The following FREM2 variants were observed in gnomAD, a reference collection of about 807,000 sequenced individuals.
The protein encoded by FREM2 is FRAS1-related extracellular matrix protein 2.
In FREM2, 119 loss-of-function variants were observed where a neutral mutation model predicts 219.9. The ratio of observed to expected loss-of-function variants is 0.54; its 90% CI spans 0.47 to 0.63. The LOEUF (loss-of-function observed/expected upper bound fraction) is 0.63, where lower values mean the gene tolerates loss of function less well. Among genes scored for constraint, FREM2 ranks in the 30% least tolerant of loss-of-function variants. The pLI, the probability that FREM2 is intolerant of heterozygous loss-of-function variation, is 0.00. For missense variants in FREM2, 4,030 were observed against 3,993.6 expected (o/e 1.01, Z -0.25); for synonymous variants, 1,562 against 1,522.8 (o/e 1.03, Z -0.60).
chr13:38,701,685 A>G (rs1012683852), intron 2 of FREM2, among the ~76,000 whole-genome samples: 3 of 152,034 alleles, frequency 2.0e-5, no homozygotes, highest in Non-Finnish European at 2.9e-5. Flanking sequence ...TAACTATTCC[A>G]GGCATGCCCC....
At chr13:38,725,348 C>G in intron 2 of FREM2, among the ~76,000 whole-genome samples, 1 of 151,424 alleles carries the variant, frequency 6.6e-6, no homozygotes, top group Non-Finnish European at 1.5e-5. Flanking sequence ...AGGTGGTTGT[C>G]AGCCATGATG....
chr13:38,826,939 G>C (rs1397031374), intron 6 of FREM2, among the ~76,000 whole-genome samples: 2 of 151,856 alleles, frequency 1.3e-5, no homozygotes, highest in African/African-American at 4.8e-5. Flanking sequence ...TCACAACTTA[G>C]GAATACTGAT....
chr13:38,874,447 A>G (rs775095128), intron 17 of FREM2, 35 bp from the exon 18 acceptor site: 1 of 1,528,410 alleles, frequency 6.5e-7, no homozygotes, highest in Non-Finnish European at 9.1e-7. Context: ...CTCTGGCTAC[A>G]TATATTTTCA....
At chr13:38,842,758 G>A (rs1286488228) in intron 6 of FREM2, among the ~76,000 whole-genome samples, 1 of 152,042 alleles carries the variant, frequency 6.6e-6, no homozygotes, top group Non-Finnish European at 1.5e-5. Context: ...CTAGACACTG[G>A]GAAAATTTTC....
chr13:38,709,686 A>T (rs1444841423), intron 2 of FREM2, among the ~76,000 whole-genome samples: 3 of 152,100 alleles, frequency 2.0e-5, no homozygotes, highest in African/African-American at 7.2e-5. Flanking sequence ...AAAATCTTTT[A>T]TTTTGACGTC....
intron 2 of FREM2, 75 bp downstream of exon 2, chr13:38,697,862 C>A (rs1870181488): frequency 3.6e-6 from 3 of 831,140 alleles, no homozygotes; most frequent in Non-Finnish European, 4.2e-6. Context: ...GACATTATTA[C>A]AAGAAGTCTT....
rs1406654763 is a variant in FREM2, at chr13:38,769,730, G to A, written c.5563G>A (p.Val1855Met). The part of the protein sequence containing the change: ...GEHEQSETFQ[V>M]VLSEPVLAAL... ...GCATGAGCAGTCTGAAACCTTTCAG[G>A]TGGTACTCTCAGAGCCCGTGCTGGC... is the stretch of plus-strand genomic sequence containing the variant. The change falls in exon 4 of 24, where the codon GTG (valine) becomes ATG (methionine). Residue 1855 changes from valine (V) to methionine (M), a missense_variant. Around this residue, in one of 2 missense-constraint regions of FREM2, gnomAD observed 3,102 missense variants for 2,950.7 expected, o/e 1.05. Coordinates refer to ENST00000280481, the MANE Select transcript of FREM2 (RefSeq NM_207361.6). 4 of 1,614,024 alleles carry A rather than the reference G, an allele frequency of 2.5e-6. No individual in the cohort carries two copies. Among genetic ancestry groups the A allele is most frequent in the Non-Finnish European group, 3.4e-6 (4 of 1,180,008 alleles).
intron 2 of FREM2, among the ~76,000 whole-genome samples, chr13:38,743,258 C>T (rs1464156716): frequency 6.6e-6 from 1 of 151,948 alleles, no homozygotes; most frequent in East Asian, 1.9e-4. Flanking sequence ...CTGTATAGTA[C>T]ATTCCTTACC....
rs755689589 is a variant in FREM2 at position 38,850,963 on chromosome 13, C to T, written c.6597C>T (p.Cys2199=). The T allele has an allele frequency of 1.2e-6, 2 of 1,612,786 alleles. No individual in the cohort carries two copies. The highest frequency in any genetic ancestry group is 1.7e-5 in the Admixed American group (1 of 60,012). The change falls in exon 10 of 24, where the codon TGC becomes TGT. Residue 2199 remains cysteine, a synonymous_variant. Coordinates refer to ENST00000280481, the MANE Select transcript of FREM2 (RefSeq NM_207361.6). ...TTCCAGGTGAGACAGAAAAGCCCTG[C>T]ATTCTTGAGCTGATGGACGATGTGC... ...TFLPGETEKP[C]ILELMDDVLY... is the part of the protein sequence containing the mutation.
Position 38,691,883 on chromosome 13 carries a change from T to C in FREM2, c.4539T>C (p.Asp1513=), listed in dbSNP as rs776853675. ...ACAGTTTTGAGTTTCAAGTCACCGA[T>C]GGACGTAACCCTGTCTTTCGGACAT... The part of the protein sequence containing the change: ...KMDSFEFQVT[D]GRNPVFRTFR... Residue 1513 remains aspartate, a synonymous_variant, in exon 1 of 24, where the codon GAT becomes GAC. Coordinates refer to ENST00000280481, the MANE Select transcript of FREM2 (RefSeq NM_207361.6). The C allele has an allele frequency of 3.4e-5, 55 of 1,614,060 alleles. No individual in the cohort carries two copies. The East Asian group carries it at 7.4e-4, about 22-fold the overall frequency.
intron 12 of FREM2, 67 bp downstream of exon 12, chr13:38,856,323 T>C: frequency 7.0e-7 from 1 of 1,418,844 alleles, no homozygotes; most frequent in Non-Finnish European, 9.9e-7. Flanking sequence ...ATAAAAGCAA[T>C]CACATAGTGT....
At position 38,861,429 on chromosome 13, in the gene FREM2, A is replaced by G; in HGVS notation, c.7520-2A>G. ...ATAAATATGGTCTTTTTTTTTTTCA[A>G]GGTCTTTGTCAGCCCCGTGTACCTG... On this transcript the variant is annotated splice_acceptor_variant, in intron 14 of 23. Coordinates refer to ENST00000280481, the MANE Select transcript of FREM2 (RefSeq NM_207361.6). LOFTEE classifies it high-confidence loss of function. The G allele has an allele frequency of 6.2e-7, 1 of 1,603,862 alleles. No individual in the cohort carries two copies. The highest frequency in any genetic ancestry group is 8.5e-7 in the Non-Finnish European group (1 of 1,174,644).
Position 38,690,351 on chromosome 13 carries a change from C to G in FREM2, c.3007C>G (p.Gln1003Glu), listed in dbSNP as rs773609204. Residue 1003 changes from glutamine to glutamate, a missense_variant, in exon 1 of 24, where the codon CAG becomes GAG. Physicochemically the swap from Gln to Glu is conservative, Grantham distance 29 (BLOSUM62 2). This residue lies in a region of FREM2 where 3,102 missense variants were observed against 2,950.7 expected (regional missense o/e 1.05). Coordinates refer to ENST00000280481, the MANE Select transcript of FREM2 (RefSeq NM_207361.6). Reference sequence around the variant, plus strand: ...CTTGGTCAATGGCATTCCAGCAGAGCAGTTTACTCAAAGGGACATCTTGGA... The same window carrying G: ...CTTGGTCAATGGCATTCCAGCAGAGGAGTTTACTCAAAGGGACATCTTGGA... ...EILVNGIPAE[Q>E]FTQRDILEGS... The G allele has an allele frequency of 6.2e-7, 1 of 1,614,220 alleles. No individual in the cohort carries two copies. Among genetic ancestry groups the G allele is most frequent in the Non-Finnish European group, 8.5e-7 (1 of 1,180,030 alleles).
At chr13:38,864,632 G>A in intron 16 of FREM2, 26 bp downstream of exon 16, 1 of 1,593,124 alleles carries the variant, frequency 6.3e-7, no homozygotes, top group Non-Finnish European at 8.6e-7. Context: ...ATCTGAGTTT[G>A]GTCACTGGAT....
chr13:38,705,267 G>T (rs925702061), intron 2 of FREM2, among the ~76,000 whole-genome samples: 4 of 152,136 alleles, frequency 2.6e-5, no homozygotes, highest in Non-Finnish European at 4.4e-5. Context: ...GAGTTGGAGT[G>T]TAGGGTAAGA....
intron 2 of FREM2, 32 bp from the exon 3 acceptor site, chr13:38,764,272 C>T: frequency 6.4e-7 from 1 of 1,552,980 alleles, no homozygotes; most frequent in African/African-American, 1.4e-5. Flanking sequence ...CAAGAAAGCA[C>T]TAATTTATGG....
intron 2 of FREM2, among the ~76,000 whole-genome samples, chr13:38,742,097 C>G (rs1170571825): frequency 1.3e-5 from 2 of 152,186 alleles, no homozygotes; most frequent in Non-Finnish European, 2.9e-5. Context: ...GTCAACATTT[C>G]TTCCTTACAC....
intron 5 of FREM2, among the ~76,000 whole-genome samples, chr13:38,783,498 G>A (rs183716397): frequency 1.9e-3 from 285 of 146,832 alleles, no homozygotes; most frequent in Admixed American, 3.1e-3. Flanking sequence ...AAAAAAAGAG[G>A]CAAAGTGATG....
chr13:38,709,410 T>G (rs563752199), intron 2 of FREM2, among the ~76,000 whole-genome samples: 9 of 152,268 alleles, frequency 5.9e-5, no homozygotes, highest in Non-Finnish European at 1.3e-4. Context: ...ATGCCAATTG[T>G]AAAATATTAT....
Sources: allele counts gnomAD v4.1 joint callset (sites outside exome capture counted in the v4.1 genomes callset), GRCh38; gene constraint gnomAD v4.1.1; regional missense constraint gnomAD v4.1.1; transcripts MANE v1.5; gene names NCBI Gene and HGNC (gene_info 2026-07-23, HGNC 2026-07-21).